Variants in SCNN1B observed in about 807,000 individuals in gnomAD.
The protein encoded by SCNN1B is epithelial sodium channel subunit beta.
Under a neutral mutation model 65.3 loss-of-function variants are expected in SCNN1B, and 46 were observed. The observed-to-expected ratio is 0.70, with a 90% confidence interval of 0.56 to 0.90. The LOEUF (loss-of-function observed/expected upper bound fraction) is 0.90. SCNN1B is among the 40% of genes least tolerant of loss of function. The pLI, the probability that SCNN1B is intolerant of heterozygous loss-of-function variation, is 0.00. For synonymous variants in SCNN1B, 349 were observed against 330.6 expected, an observed-to-expected ratio of 1.06 and a Z score of -0.60; for missense variants, 751 against 830.5, an observed-to-expected ratio of 0.90 and a Z score of 1.18.
At chr16:23,331,134 G>A (rs112326513) in intron 1 of SCNN1B, among the ~76,000 whole-genome samples, 6,012 of 152,222 alleles carry the variant, frequency 0.039, 412 homozygotes, top group African/African-American at 0.14. Flanking sequence ...GGGCTGTGTT[G>A]AAGAGGGTGG....
intron 1 of SCNN1B, among the ~76,000 whole-genome samples, chr16:23,283,423 G>A (rs1170375413): frequency 1.3e-5 from 2 of 152,076 alleles, no homozygotes; most frequent in African/African-American, 4.8e-5. Flanking sequence ...AAAATAAGAA[G>A]GACACTTACT....
intron 1 of SCNN1B, among the ~76,000 whole-genome samples, chr16:23,340,133 T>C (rs1025383037): frequency 2.6e-5 from 4 of 152,206 alleles, no homozygotes; most frequent in African/African-American, 9.7e-5. Context: ...CATTGGCCCA[T>C]TTTTTGTTGA....
At chr16:23,364,563 C>G (rs528790144) in intron 4 of SCNN1B, among the ~76,000 whole-genome samples, 1 of 152,282 alleles carries the variant, frequency 6.6e-6, no homozygotes, top group Non-Finnish European at 1.5e-5. Flanking sequence ...TAAACAATCA[C>G]CCTGACTGCT....
intron 1 of SCNN1B, among the ~76,000 whole-genome samples, chr16:23,343,486 G>GGAAGGAAGGAAGGAAGGAA (rs1962098887): frequency 9.3e-6 from 1 of 108,032 alleles, no homozygotes; most frequent in African/African-American, 3.8e-5. Flanking sequence ...AAGGAAGGAA[G>GGAAGGAAGGAAGGAAGGAA]GAAGGAAGGA....
At chr16:23,315,864 C>T (rs1178528950) in intron 1 of SCNN1B, among the ~76,000 whole-genome samples, 1 of 152,148 alleles carries the variant, frequency 6.6e-6, no homozygotes, top group Non-Finnish European at 1.5e-5. Context: ...TTAATCTGCA[C>T]ATAATAACCC....
chr16:23,297,568 T>C (rs370817799), upstream of SCNN1B, among the ~76,000 whole-genome samples: 10 of 152,322 alleles, frequency 6.6e-5, no homozygotes, highest in African/African-American at 2.4e-4. Flanking sequence ...TGGAATGCAT[T>C]ATTATACAGC....
intron 4 of SCNN1B, chr16:23,358,550 C>T (rs576228997): frequency 6.6e-6 from 1 of 152,216 alleles, no homozygotes; most frequent in East Asian, 1.9e-4. Context: ...GCATGAGTAA[C>T]TGACCCTACT....
chr16:23,377,870 A>T (rs1962947612), intron 10 of SCNN1B, among the ~76,000 whole-genome samples: 2 of 152,036 alleles, frequency 1.3e-5, no homozygotes, highest in African/African-American at 2.4e-5. Flanking sequence ...AATTAGACAG[A>T]CATAATCCTT....
intron 1 of SCNN1B, among the ~76,000 whole-genome samples, chr16:23,282,298 G>A (rs1489148554): frequency 6.6e-6 from 1 of 152,176 alleles, no homozygotes; most frequent in Non-Finnish European, 1.5e-5. Flanking sequence ...AGAACAGATA[G>A]GGTTTTCAAA....
At chr16:23,280,112 G>A (rs1960763250) in intron 1 of SCNN1B, among the ~76,000 whole-genome samples, 1 of 152,332 alleles carries the variant, frequency 6.6e-6, no homozygotes, top group East Asian at 1.9e-4. Flanking sequence ...GTAACAATGG[G>A]TTCAGTCCTT....
intron 4 of SCNN1B, among the ~76,000 whole-genome samples, chr16:23,365,620 A>AGAGAGAGAGAAAGAAAGAAAGAAAG (rs11399911): frequency 3.7e-5 from 3 of 80,502 alleles, no homozygotes; most frequent in Middle Eastern, 7.1e-3. Context: ...AAAGAAAGAA[A>AGAGAGAGAGAAAGAAAGAAAGAAAG]AAAGAAAGAA....
At chr16:23,315,702 G>A (rs1425765455) in intron 1 of SCNN1B, among the ~76,000 whole-genome samples, 1 of 152,124 alleles carries the variant, frequency 6.6e-6, no homozygotes, top group Non-Finnish European at 1.5e-5. Context: ...TACTTGGAAG[G>A]CTGAGGTGGG....
intron 4 of SCNN1B, among the ~76,000 whole-genome samples, chr16:23,360,591 G>GA (rs1014942960): frequency 1.0e-5 from 1 of 95,262 alleles, no homozygotes; most frequent in Non-Finnish European, 2.0e-5. Context: ...GGTGGTGGTG[G>GA]TTTTTTTTTT....
chr16:23,371,757 G>A lies in SCNN1B; in HGVS notation c.1045-19G>A, dbSNP rs1371006391. ...CTGGGGTGACCAGTGTCCCCCTCAA[G>A]CAACCCCTCTAAACACAGGACAAGC... On this transcript the variant is annotated intron_variant, in intron 6 of 12. Transcript: ENST00000343070. The A allele has an allele frequency of 1.2e-6, 2 of 1,602,040 alleles. No individual in the cohort carries two copies. Among genetic ancestry groups the A allele is most frequent in the Admixed American group, 3.3e-5 (2 of 60,004 alleles).
intron 4 of SCNN1B, 70 bp downstream of exon 4, chr16:23,355,559 G>C: frequency 6.7e-7 from 1 of 1,499,768 alleles, no homozygotes; most frequent in South Asian, 1.1e-5. Context: ...ACGGTTGGGA[G>C]CACAGCCTGC....
chr16:23,291,411 A>G (rs754440858), intron 2 of SCNN1B, among the ~76,000 whole-genome samples: 37 of 151,770 alleles, frequency 2.4e-4, no homozygotes, highest in Non-Finnish European at 3.7e-4. Context: ...AGAATTTGAT[A>G]TGTATCCTAC....
chr16:23,322,755 T>A (rs931673500), intron 1 of SCNN1B, among the ~76,000 whole-genome samples: 1 of 152,262 alleles, frequency 6.6e-6, no homozygotes, highest in Non-Finnish European at 1.5e-5. Flanking sequence ...TGTGAGTTTT[T>A]AAATGCTCAA....
intron 11 of SCNN1B, among the ~76,000 whole-genome samples, chr16:23,379,090 A>G (rs1373293967): frequency 8.4e-6 from 1 of 118,734 alleles, no homozygotes; most frequent in Non-Finnish European, 1.7e-5. Flanking sequence ...GCCATCCTCC[A>G]CCCATTCATC....
At chr16:23,351,492 C>T (rs1346014923) in intron 2 of SCNN1B, among the ~76,000 whole-genome samples, 1 of 152,214 alleles carries the variant, frequency 6.6e-6, no homozygotes, top group African/African-American at 2.4e-5. Flanking sequence ...TCCCCATCCT[C>T]CTGTTCCTGT....
Sources: gnomAD v4.1 joint callset for allele counts (sites outside exome capture counted in the v4.1 genomes callset) on GRCh38, gnomAD v4.1.1 for gene constraint, MANE v1.5 for transcripts, NCBI Gene and HGNC (gene_info 2026-07-23, HGNC 2026-07-21) for gene names.